LURAP1L: variants seen among roughly 807,000 people sequenced by gnomAD.
The protein encoded by LURAP1L is leucine rich adaptor protein 1 like.
In LURAP1L, 12 loss-of-function variants were observed where a neutral mutation model predicts 13.8. The observed-to-expected ratio is 0.87, with a 90% CI of 0.56 to 1.41. LURAP1L has a LOEUF of 1.41. Ranked by LOEUF, LURAP1L falls within the 40% of genes most tolerant of loss-of-function variation. The pLI is 0.00. For missense variants in LURAP1L, 375 were observed against 292.9 expected (o/e 1.28, Z -2.04); for synonymous variants, 139 against 119.2 (o/e 1.17, Z -1.08).
At chr9:12,780,559 G>A (rs1289125580) in intron 1 of LURAP1L, among the ~76,000 whole-genome samples, 1 of 152,090 alleles carries the variant, frequency 6.6e-6, no homozygotes, top group Non-Finnish European at 1.5e-5. Context: ...TTCCCAGCCT[G>A]TTATTCAAAC....
At position 12,821,858 on chromosome 9, in the gene LURAP1L, A is replaced by G; in HGVS notation, c.*98A>G. The G allele has an allele frequency of 1.4e-6, 2 of 1,426,372 alleles. No individual in the cohort carries two copies. Among genetic ancestry groups the G allele is most frequent in the Non-Finnish European group, 1.9e-6 (2 of 1,064,958 alleles). The allele number at this position is 1,426,372 out of a possible 1,614,324, so 88.4% of individuals were successfully genotyped here. ...GTGTGATTTTTATTTTAATAAGATG[A>G]CCTTTTTAAAAGAAGCTGATTTTGA... On this transcript the variant is annotated 3_prime_UTR_variant, in exon 2 of 2. Coordinates refer to ENST00000319264, the MANE Select transcript of LURAP1L (RefSeq NM_203403.2).
intron 1 of LURAP1L, among the ~76,000 whole-genome samples, chr9:12,780,085 C>T (rs1309481187): frequency 1.3e-5 from 2 of 152,194 alleles, no homozygotes; most frequent in Non-Finnish European, 2.9e-5. Flanking sequence ...GTATCAAGAG[C>T]TTTTCATTGG....
At chr9:12,789,534 G>A (rs1227662064) in intron 1 of LURAP1L, among the ~76,000 whole-genome samples, 1 of 152,166 alleles carries the variant, frequency 6.6e-6, no homozygotes, top group Non-Finnish European at 1.5e-5. Flanking sequence ...TAGTGCCCAA[G>A]TAAGATTTAG....
At chr9:12,803,357 G>A (rs1819613416) in intron 1 of LURAP1L, among the ~76,000 whole-genome samples, 1 of 152,184 alleles carries the variant, frequency 6.6e-6, no homozygotes, top group Non-Finnish European at 1.5e-5. Flanking sequence ...GGGGACATGG[G>A]AAGATTAGAT....
chr9:12,811,126 C>CT (rs2118536216), intron 1 of LURAP1L, among the ~76,000 whole-genome samples: 1 of 152,292 alleles, frequency 6.6e-6, no homozygotes, highest in African/African-American at 2.4e-5. Flanking sequence ...ATCACCTCCT[C>CT]TTTTTCTCCT....
intron 1 of LURAP1L, chr9:12,790,844 G>A (rs1447536424): frequency 6.6e-6 from 1 of 151,736 alleles, no homozygotes; most frequent in African/African-American, 2.4e-5. Flanking sequence ...GAAGTTTTAG[G>A]ATTAGAAGAA....
intron 1 of LURAP1L, among the ~76,000 whole-genome samples, chr9:12,800,383 T>C (rs1019064370): frequency 6.6e-6 from 1 of 152,142 alleles, no homozygotes; most frequent in African/African-American, 2.4e-5. Flanking sequence ...AAGAGTTAAT[T>C]AGTAGAAGAA....
intron 1 of LURAP1L, among the ~76,000 whole-genome samples, chr9:12,817,052 T>TA (rs1324474761): frequency 1.3e-5 from 2 of 152,208 alleles, no homozygotes; most frequent in African/African-American, 2.4e-5. Flanking sequence ...GAGTGTGACT[T>TA]ACACCTTGAA....
chr9:12,787,021 G>C (rs1411964749), intron 1 of LURAP1L, among the ~76,000 whole-genome samples: 1 of 152,038 alleles, frequency 6.6e-6, no homozygotes, highest in African/African-American at 2.4e-5. Context: ...AAAAGATTTT[G>C]ACACAAGCAT....
chr9:12,821,328 T>G, intron 1 of LURAP1L, 58 bp from the exon 2 acceptor site: 1 of 1,543,044 alleles, frequency 6.5e-7, no homozygotes, highest in Non-Finnish European at 8.8e-7. Context: ...CAGATGAATT[T>G]GAGGCCTTTC....
At chr9:12,780,950 C>T (rs1819261004) in intron 1 of LURAP1L, among the ~76,000 whole-genome samples, 1 of 151,894 alleles carries the variant, frequency 6.6e-6, no homozygotes, top group Non-Finnish European at 1.5e-5. Context: ...TCCAAATATA[C>T]TCTTTTAGTT....
chr9:12,819,490 G>C (rs185375029), intron 1 of LURAP1L, among the ~76,000 whole-genome samples: 6 of 152,058 alleles, frequency 3.9e-5, no homozygotes, highest in African/African-American at 1.4e-4. Flanking sequence ...GAATACTTTT[G>C]AGGACAATTC....
At chr9:12,778,465 A>G (rs1187553917) in intron 1 of LURAP1L, among the ~76,000 whole-genome samples, 1 of 152,232 alleles carries the variant, frequency 6.6e-6, no homozygotes, top group Non-Finnish European at 1.5e-5. Context: ...ACTATTACAT[A>G]GATATTCAAA....
rs139277533 is a variant in LURAP1L, at chr9:12,810,064, T to A, written c.313-11322T>A. On this transcript the variant is annotated intron_variant, in intron 1 of 1. Coordinates refer to ENST00000319264, the MANE Select transcript of LURAP1L (RefSeq NM_203403.2). ...AGGCTTTGGTAAAACTCCAGCCTGT[T>A]AGGTTCTGGTAAAATAGATTCCCTT... Among the ~76,000 whole-genome samples the A allele has an allele frequency of 3.6e-3, 546 of 152,302 alleles. 5 individuals are homozygous for A. The highest frequency in any genetic ancestry group is 0.012 in the African/African-American group (509 of 41,566).
intron 1 of LURAP1L, among the ~76,000 whole-genome samples, chr9:12,795,052 A>G (rs556939259): frequency 3.9e-5 from 6 of 152,114 alleles, no homozygotes; most frequent in Admixed American, 3.3e-4. Flanking sequence ...GAAAGAAATT[A>G]TATCATAGTC....
At position 12,821,496 on chromosome 9, in the gene LURAP1L, A is replaced by C; in HGVS notation, c.423A>C (p.Arg141Ser). ...MIEEKATITS[R>S]GSSLSGSLCS... ...AAGAAAAAGCCACCATTACCAGCAG[A>C]GGCAGCAGCCTCAGTGGCAGCCTGT... The change falls in exon 2 of 2, where the codon AGA (arginine) becomes AGC (serine). Residue 141 changes from arginine to serine, a missense_variant. By Grantham distance (110) the Arg-to-Ser change is moderately radical. Coordinates refer to ENST00000319264, the MANE Select transcript of LURAP1L (RefSeq NM_203403.2). 1 of 1,614,204 alleles carries C rather than the reference A, an allele frequency of 6.2e-7. No homozygotes were observed. Among genetic ancestry groups the C allele is most frequent in the Non-Finnish European group, 8.5e-7 (1 of 1,180,030 alleles).
intron 1 of LURAP1L, among the ~76,000 whole-genome samples, chr9:12,784,162 C>T (rs528539308): frequency 6.6e-6 from 1 of 152,224 alleles, no homozygotes; most frequent in East Asian, 1.9e-4. Flanking sequence ...TCTGAGAGGT[C>T]ACATATCTCT....
chr9:12,816,471 C>T (rs1819806213), intron 1 of LURAP1L, among the ~76,000 whole-genome samples: 1 of 152,162 alleles, frequency 6.6e-6, no homozygotes, highest in South Asian at 2.1e-4. Context: ...GAGTCAGTAC[C>T]ATGTTCCTCA....
At chr9:12,807,094 A>T (rs1316107251) in intron 1 of LURAP1L, among the ~76,000 whole-genome samples, 5 of 116,166 alleles carry the variant, frequency 4.3e-5, no homozygotes, top group East Asian at 3.0e-4. Context: ...TCTCTACTAA[A>T]ATATATATAT....
Sources: gnomAD v4.1 joint callset for allele counts (sites outside exome capture counted in the v4.1 genomes callset) on GRCh38, gnomAD v4.1.1 for gene constraint, MANE v1.5 for transcripts, NCBI Gene and HGNC (gene_info 2026-07-23, HGNC 2026-07-21) for gene names.